RABGAP1L: variants seen among roughly 807,000 people sequenced by gnomAD.
The protein encoded by RABGAP1L is RAB GTPase activating protein 1 like.
RABGAP1L carries 63 observed loss-of-function variants against 137.7 expected under a neutral mutation model. The observed-to-expected ratio is 0.46, with a 90% confidence interval of 0.37 to 0.56. RABGAP1L has a LOEUF of 0.56. Ranked by LOEUF, RABGAP1L falls within the 20% of genes least tolerant of loss-of-function variation. The pLI, the probability that RABGAP1L is intolerant of heterozygous loss-of-function variation, is 0.00. For synonymous variants in RABGAP1L, 431 were observed against 433.7 expected, an observed-to-expected ratio of 0.99 and a Z score of 0.08; for missense variants, 1,095 against 1,244.0, an observed-to-expected ratio of 0.88 and a Z score of 1.80.
Position 174,636,242 on chromosome 1 carries a change from G to T in RABGAP1L, c.1711-1133G>T, listed in dbSNP as rs552881836. On this transcript the variant is annotated intron_variant, in intron 13 of 25. Transcript: ENST00000681986. ...AATATCTAGGCTTATCTTTAAAGAA[G>T]ATATCATCCTTCACACCTGTAATCC... 2.6e-5 allele frequency among the ~76,000 whole-genome samples: 4 copies of T among 152,252 alleles called. No homozygotes were observed. In the East Asian group the frequency reaches 7.7e-4, roughly 29 times the overall value.
chr1:174,781,022 A>G (rs955306221), intron 18 of RABGAP1L, among the ~76,000 whole-genome samples: 9 of 152,128 alleles, frequency 5.9e-5, no homozygotes, highest in African/African-American at 1.4e-4. Context: ...TAGTACCGCA[A>G]TAAACATACA....
chr1:174,633,272 T>C (rs1673601315), intron 13 of RABGAP1L, among the ~76,000 whole-genome samples: 1 of 144,576 alleles, frequency 6.9e-6, no homozygotes, highest in African/African-American at 2.6e-5. Flanking sequence ...ATGAGTGAAC[T>C]CCCATTCACA....
intron 13 of RABGAP1L, among the ~76,000 whole-genome samples, chr1:174,557,761 C>T (rs1418241834): frequency 6.6e-6 from 1 of 152,172 alleles, no homozygotes. Context: ...CAGACTCATT[C>T]TTAGGAGTTA....
chr1:174,172,173 C>T, intron 1 of RABGAP1L, among the ~76,000 whole-genome samples: 1 of 108,806 alleles, frequency 9.2e-6, no homozygotes, highest in African/African-American at 3.7e-5. Context: ...GAATAATATT[C>T]CCTTGTGTGT....
Position 174,305,082 on chromosome 1 carries a change from A to T in RABGAP1L, c.1420A>T (p.Ser474Cys). 1.3e-6 allele frequency: 2 copies of T among 1,554,120 alleles called. No individual in the cohort carries two copies. The highest frequency in any genetic ancestry group is 1.7e-6 in the Non-Finnish European group (2 of 1,157,266). Residue 474 changes from serine (S) to cysteine (C), a missense_variant, in exon 11 of 26, where the codon AGT becomes TGT. By Grantham distance (112) the Ser-to-Cys change is moderately radical (BLOSUM62 -1). Transcript: ENST00000681986. ...SDKEEPVTPT[S>C]GGGPMSPQDD... ...CAAGGAGGAACCAGTCACTCCTACT[A>T]GTGGAGGGGGTCCAATGTCACCCCA... is the stretch of plus-strand genomic sequence containing the variant.
chr1:174,619,052 C>G (rs768802797), intron 13 of RABGAP1L, among the ~76,000 whole-genome samples: 1 of 152,078 alleles, frequency 6.6e-6, no homozygotes, highest in Non-Finnish European at 1.5e-5. Context: ...GATGGAAAAT[C>G]AAATGAATGA....
chr1:174,800,204 C>G, intron 18 of RABGAP1L: 1 of 1,397,894 alleles, frequency 7.2e-7, no homozygotes, highest in Non-Finnish European at 9.3e-7. Flanking sequence ...CATTAGCTGA[C>G]AATTCCCACC....
chr1:174,699,137 C>T (rs1433300018), intron 15 of RABGAP1L, among the ~76,000 whole-genome samples: 1 of 151,986 alleles, frequency 6.6e-6, no homozygotes, highest in Non-Finnish European at 1.5e-5. Context: ...GGACTACACA[C>T]TCATGTTGCC....
intron 13 of RABGAP1L, among the ~76,000 whole-genome samples, chr1:174,622,947 G>A (rs961934166): frequency 1.3e-5 from 2 of 152,098 alleles, no homozygotes; most frequent in Admixed American, 6.6e-5. Context: ...TTTCTTTGAA[G>A]TTTCAGGTGG....
intron 19 of RABGAP1L, among the ~76,000 whole-genome samples, chr1:174,884,714 A>C (rs1654801332): frequency 6.6e-6 from 1 of 152,234 alleles, no homozygotes; most frequent in Admixed American, 6.5e-5. Context: ...CAGTTCATCT[A>C]GGCAACAGAG....
At chr1:174,810,027 C>G (rs1460259139) in intron 18 of RABGAP1L, among the ~76,000 whole-genome samples, 2 of 152,168 alleles carry the variant, frequency 1.3e-5, no homozygotes, top group Non-Finnish European at 2.9e-5. Context: ...TTCATTACCA[C>G]TGTTAGCCTA....
At chr1:174,452,532 T>C (rs1655555919) in intron 13 of RABGAP1L, among the ~76,000 whole-genome samples, 1 of 151,058 alleles carries the variant, frequency 6.6e-6, no homozygotes, top group South Asian at 2.1e-4. Context: ...GTGTTCAGAA[T>C]ATGGTAGCTG....
chr1:174,854,593 A>G (rs750368315), intron 19 of RABGAP1L, among the ~76,000 whole-genome samples: 3 of 151,972 alleles, frequency 2.0e-5, no homozygotes, highest in Non-Finnish European at 2.9e-5. Flanking sequence ...CAGGAAATCA[A>G]TTAGACCCTT....
At chr1:174,361,037 G>T (rs1684095771) in intron 11 of RABGAP1L, among the ~76,000 whole-genome samples, 1 of 151,904 alleles carries the variant, frequency 6.6e-6, no homozygotes. Context: ...AGTGCTTGTA[G>T]TCCCAGCTAC....
At chr1:174,632,542 G>T (rs1238492565) in intron 13 of RABGAP1L, among the ~76,000 whole-genome samples, 1 of 150,522 alleles carries the variant, frequency 6.6e-6, no homozygotes, top group Non-Finnish European at 1.5e-5. Context: ...ATCAGACGTA[G>T]ATTTGGTCTT....
intron 11 of RABGAP1L, among the ~76,000 whole-genome samples, chr1:174,366,704 G>A (rs1220521437): frequency 6.9e-6 from 1 of 144,814 alleles, no homozygotes; most frequent in Non-Finnish European, 1.5e-5. Context: ...GAACCCAGAA[G>A]GTGAAGGTTG....
chr1:174,553,670 T>A (rs975907051), intron 13 of RABGAP1L, among the ~76,000 whole-genome samples: 3 of 152,208 alleles, frequency 2.0e-5, no homozygotes, highest in Non-Finnish European at 2.9e-5. Context: ...GTAAACATTT[T>A]CAGTAAGAAT....
At chr1:174,346,210 T>C (rs1439307385) in intron 11 of RABGAP1L, among the ~76,000 whole-genome samples, 3 of 152,164 alleles carry the variant, frequency 2.0e-5, no homozygotes, top group African/African-American at 2.4e-5. Flanking sequence ...AATTTTCTTT[T>C]TTAAATGTGT....
chr1:174,869,140 T>C (rs1234342801), intron 19 of RABGAP1L, among the ~76,000 whole-genome samples: 6 of 152,186 alleles, frequency 3.9e-5, no homozygotes, highest in Non-Finnish European at 5.9e-5. Context: ...ATATTGATAA[T>C]AACAACCAAC....
Sources: gnomAD v4.1 joint callset for allele counts (sites outside exome capture counted in the v4.1 genomes callset) on GRCh38, gnomAD v4.1.1 for gene constraint, MANE v1.5 for transcripts, NCBI Gene and HGNC (gene_info 2026-07-23, HGNC 2026-07-21) for gene names.